Variants in CHSY3 observed in about 807,000 individuals in gnomAD.
CHSY3 encodes the protein chondroitin sulfate synthase 3.
CHSY3 carries 35 observed loss-of-function variants against 67.2 expected under a neutral mutation model. The observed-to-expected ratio is 0.52, with a 90% CI of 0.40 to 0.69. CHSY3 has a LOEUF of 0.69. Among genes scored for constraint, CHSY3 ranks in the 30% least tolerant of loss-of-function variants. The pLI, the probability that CHSY3 is intolerant of heterozygous loss-of-function variation, is 0.00. For missense variants in CHSY3, 1,069 were observed against 1,138.5 expected (o/e 0.94, Z 0.88); for synonymous variants, 474 against 434.7 (o/e 1.09, Z -1.12).
chr5:129,986,824 G>T (rs548276337), intron 2 of CHSY3, among the ~76,000 whole-genome samples: 1 of 152,052 alleles, frequency 6.6e-6, no homozygotes. Flanking sequence ...TGTATTTTTT[G>T]TAGAGACAGG....
At chr5:130,020,930 C>G (rs192081650) in intron 2 of CHSY3, among the ~76,000 whole-genome samples, 2 of 152,104 alleles carry the variant, frequency 1.3e-5, no homozygotes, top group East Asian at 3.9e-4. Flanking sequence ...CTTCTCAACT[C>G]TTTGGTATAT....
intron 1 of CHSY3, among the ~76,000 whole-genome samples, chr5:129,906,696 T>C (rs1459281294): frequency 6.6e-6 from 1 of 152,174 alleles, no homozygotes; most frequent in Non-Finnish European, 1.5e-5. Flanking sequence ...GCAGCAGGGT[T>C]GTACCGAATG....
At chr5:130,120,589 C>T (rs972914339) in intron 2 of CHSY3, among the ~76,000 whole-genome samples, 10 of 151,924 alleles carry the variant, frequency 6.6e-5, no homozygotes, top group Non-Finnish European at 1.2e-4. Context: ...TGACTGCATC[C>T]CCCAACTACC....
At chr5:130,020,422 AAT>A (rs1174657766) in intron 2 of CHSY3, among the ~76,000 whole-genome samples, 56 of 33,362 alleles carry the variant, frequency 1.7e-3, no homozygotes, top group African/African-American at 2.3e-3. Flanking sequence ...TTCATCTCAA[AAT>A]ATATATATAT....
intron 2 of CHSY3, among the ~76,000 whole-genome samples, chr5:130,112,639 T>C (rs1767625473): frequency 1.3e-5 from 2 of 152,122 alleles, no homozygotes; most frequent in South Asian, 4.1e-4. Flanking sequence ...TTGGTGGACA[T>C]AAATTGTTTC....
intron 2 of CHSY3, among the ~76,000 whole-genome samples, chr5:129,991,659 A>C (rs947002336): frequency 6.6e-6 from 1 of 152,142 alleles, no homozygotes; most frequent in African/African-American, 2.4e-5. Context: ...TAAGTAATGT[A>C]ACTGGCAAGC....
intron 2 of CHSY3, among the ~76,000 whole-genome samples, chr5:129,992,539 C>T (rs145685182): frequency 6.6e-6 from 1 of 152,134 alleles, no homozygotes; most frequent in Non-Finnish European, 1.5e-5. Context: ...ATTTTATGTT[C>T]TTAAACACAT....
rs774553574 is a variant in CHSY3 at position 130,185,368 on chromosome 5, C to T, written c.2226C>T (p.Tyr742=). The change falls in exon 3 of 3, where the codon TAC becomes TAT. Residue 742 remains tyrosine (Y), a synonymous_variant. Transcript: ENST00000305031. ...RDNTIQGQQV[Y]YPIIFSQYDP... ...ATACAATTCAGGGACAACAGGTGTACTATCCCATCATCTTTAGCCAGTATG... is the reference window on the plus strand; with the variant it reads ...ATACAATTCAGGGACAACAGGTGTATTATCCCATCATCTTTAGCCAGTATG... 2 of 1,603,484 alleles carry T rather than the reference C, an allele frequency of 1.2e-6. No homozygotes were observed. The highest frequency in any genetic ancestry group is 2.2e-5 in the South Asian group (2 of 90,912).
At chr5:129,964,865 A>G (rs973140622) in intron 2 of CHSY3, among the ~76,000 whole-genome samples, 2 of 151,882 alleles carry the variant, frequency 1.3e-5, no homozygotes, top group Non-Finnish European at 2.9e-5. Flanking sequence ...TTTTAGAGCT[A>G]TGACTGAAAA....
intron 2 of CHSY3, among the ~76,000 whole-genome samples, chr5:129,956,967 A>C (rs77740785): frequency 0.034 from 5,213 of 151,942 alleles, 298 homozygotes; most frequent in African/African-American, 0.12. Context: ...GTTTCATATT[A>C]ATTGTAAAAT....
chr5:130,107,915 T>A (rs764520257), intron 2 of CHSY3, among the ~76,000 whole-genome samples: 4 of 151,732 alleles, frequency 2.6e-5, no homozygotes, highest in Non-Finnish European at 4.4e-5. Context: ...TTATATTTGC[T>A]TCAGTGTCTA....
intron 2 of CHSY3, among the ~76,000 whole-genome samples, chr5:130,105,007 G>T (rs1415301845): frequency 6.6e-6 from 1 of 151,666 alleles, no homozygotes; most frequent in East Asian, 1.9e-4. Context: ...GACAGTCAGG[G>T]TTTAGCTTAG....
At chr5:129,912,541 C>G (rs1440482263) in intron 2 of CHSY3, among the ~76,000 whole-genome samples, 2 of 152,182 alleles carry the variant, frequency 1.3e-5, no homozygotes, top group African/African-American at 4.8e-5. Flanking sequence ...TGCTCTTTTT[C>G]TCTGTCTTCT....
intron 2 of CHSY3, among the ~76,000 whole-genome samples, chr5:129,931,210 C>A (rs1464224882): frequency 6.6e-6 from 1 of 152,068 alleles, no homozygotes; most frequent in African/African-American, 2.4e-5. Context: ...TGTCCTACAA[C>A]CATTTGTGCC....
intron 2 of CHSY3, among the ~76,000 whole-genome samples, chr5:130,087,317 A>G (rs1279126180): frequency 2.6e-5 from 4 of 152,194 alleles, no homozygotes; most frequent in Admixed American, 6.5e-5. Flanking sequence ...CAAGACAGGG[A>G]TGCCCTCTCT....
intron 2 of CHSY3, among the ~76,000 whole-genome samples, chr5:129,943,769 A>G (rs1196228101): frequency 6.6e-6 from 1 of 152,236 alleles, no homozygotes; most frequent in African/African-American, 2.4e-5. Context: ...ATCCACATAT[A>G]GATAGTATTA....
intron 2 of CHSY3, among the ~76,000 whole-genome samples, chr5:130,165,725 A>G (rs115481005): frequency 1.7e-3 from 263 of 152,136 alleles, no homozygotes; most frequent in African/African-American, 5.8e-3. Flanking sequence ...ATACAGGTAT[A>G]TATGTATATG....
intron 2 of CHSY3, among the ~76,000 whole-genome samples, chr5:130,177,443 T>G (rs1029768800): frequency 2.6e-5 from 4 of 152,124 alleles, no homozygotes; most frequent in African/African-American, 9.7e-5. Flanking sequence ...TTAATAGTTC[T>G]CTGAGAAATG....
chr5:129,992,418 A>G (rs1431649542), intron 2 of CHSY3, among the ~76,000 whole-genome samples: 1 of 152,178 alleles, frequency 6.6e-6, no homozygotes, highest in East Asian at 1.9e-4. Context: ...GGAATCATAC[A>G]CTACTGAATT....
Sources: allele counts gnomAD v4.1 joint callset (sites outside exome capture counted in the v4.1 genomes callset), GRCh38; gene constraint gnomAD v4.1.1; transcripts MANE v1.5; gene names NCBI Gene and HGNC (gene_info 2026-07-23, HGNC 2026-07-21).